CADPS2: variants seen among roughly 807,000 people sequenced by gnomAD.
CADPS2 encodes calcium dependent secretion activator 2.
In CADPS2, 93 loss-of-function variants were observed where a neutral mutation model predicts 172.5. That is an observed-to-expected ratio of 0.54 (90% CI 0.46 to 0.64). The LOEUF is 0.64. Among genes scored for constraint, CADPS2 ranks in the 30% least tolerant of loss-of-function variants. The probability of loss-of-function intolerance (pLI) is 0.00; values close to 1 mark genes in which losing one functional copy is unlikely to be tolerated. For synonymous variants in CADPS2, 546 were observed against 555.2 expected (o/e 0.98, Z 0.23); for missense variants, 1,420 against 1,565.9 (o/e 0.91, Z 1.57).
chr7:122,697,978 G>A, intron 2 of CADPS2: 2 of 1,613,500 alleles, frequency 1.2e-6, no homozygotes, highest in South Asian at 1.1e-5. Flanking sequence ...CAAAGGTTCT[G>A]TTCCATTTTC....
At chr7:122,554,988 G>A (rs2064850175) in intron 7 of CADPS2, among the ~76,000 whole-genome samples, 1 of 152,002 alleles carries the variant, frequency 6.6e-6, no homozygotes, top group African/African-American at 2.4e-5. Flanking sequence ...ATACTCAAGA[G>A]ACACCCATAA....
At chr7:122,399,681 T>C (rs2045668239) in intron 20 of CADPS2, among the ~76,000 whole-genome samples, 4 of 45,550 alleles carry the variant, frequency 8.8e-5, no homozygotes, top group Non-Finnish European at 1.3e-4. Context: ...TTTTTTTTTT[T>C]TTTTTTTTTT....
chr7:122,491,794 T>C, intron 9 of CADPS2, among the ~76,000 whole-genome samples: 1 of 152,202 alleles, frequency 6.6e-6, no homozygotes, highest in Admixed American at 6.5e-5. Flanking sequence ...TATGCTAACG[T>C]AGGCTATAAA....
At chr7:122,855,535 T>C (rs962290135) in intron 1 of CADPS2, among the ~76,000 whole-genome samples, 1 of 152,118 alleles carries the variant, frequency 6.6e-6, no homozygotes, top group Non-Finnish European at 1.5e-5. Context: ...TGGTAGGATG[T>C]CATGGGGAGT....
chr7:122,850,345 G>T lies in CADPS2; in HGVS notation c.339+35654C>A, dbSNP rs185970752. 4.5e-4 allele frequency: 184 copies of T among 412,304 alleles called. No homozygotes were observed. The East Asian group carries it at 7.1e-3, about 16-fold the overall frequency. The allele number at this position is 412,304 out of a possible 1,614,324, so 25.5% of individuals were successfully genotyped here. On this transcript the variant is annotated intron_variant, in intron 1 of 29. Coordinates refer to ENST00000449022, the MANE Select transcript of CADPS2 (RefSeq NM_017954.11). The stretch of plus-strand genomic sequence containing the variant: ...CAGACATGGACTTCTCAGCCCTGCT[G>T]TGTCAGATCACCACCTAGGGGGGTG...
chr7:122,589,559 C>T (rs979048236), intron 6 of CADPS2, among the ~76,000 whole-genome samples: 1 of 151,900 alleles, frequency 6.6e-6, no homozygotes, highest in African/African-American at 2.4e-5. Flanking sequence ...TAATGTACTT[C>T]AGCCAAAGAC....
intron 15 of CADPS2, among the ~76,000 whole-genome samples, chr7:122,450,515 G>GGTGGCCTT (rs2052926741): frequency 4.1e-5 from 6 of 145,174 alleles, no homozygotes; most frequent in Non-Finnish European, 1.5e-5. Flanking sequence ...TCTTAGTATT[G>GGTGGCCTT]GTGGCCTTTT....
intron 3 of CADPS2, among the ~76,000 whole-genome samples, chr7:122,651,599 A>G (rs1050781406): frequency 5.3e-5 from 8 of 152,188 alleles, no homozygotes; most frequent in Non-Finnish European, 1.0e-4. Context: ...ATGTTACTTA[A>G]CATGGGTGGT....
At chr7:122,353,917 A>T (rs1396116831) in intron 27 of CADPS2, among the ~76,000 whole-genome samples, 1 of 152,088 alleles carries the variant, frequency 6.6e-6, no homozygotes, top group Admixed American at 6.6e-5. Flanking sequence ...TCCTTTTTCC[A>T]AACAGGAGCC....
intron 8 of CADPS2, among the ~76,000 whole-genome samples, chr7:122,525,272 C>G (rs1465485712): frequency 2.0e-5 from 3 of 152,122 alleles, no homozygotes; most frequent in Admixed American, 2.0e-4. Context: ...GACATTTTAG[C>G]AGAGCTCTGA....
At chr7:122,644,080 A>AAAGG (rs2078015481) in intron 3 of CADPS2, among the ~76,000 whole-genome samples, 1 of 151,190 alleles carries the variant, frequency 6.6e-6, no homozygotes. Flanking sequence ...GAAAGAAAAG[A>AAAGG]AAGGAAGGAA....
chr7:122,518,652 C>T (rs978801960), intron 8 of CADPS2, among the ~76,000 whole-genome samples: 5 of 151,926 alleles, frequency 3.3e-5, no homozygotes, highest in African/African-American at 9.7e-5. Flanking sequence ...TTGTAACCTG[C>T]TGAGTCATTA....
At chr7:122,557,659 T>A (rs1163982314) in intron 7 of CADPS2, among the ~76,000 whole-genome samples, 2 of 152,172 alleles carry the variant, frequency 1.3e-5, no homozygotes, top group Non-Finnish European at 2.9e-5. Flanking sequence ...AATAGGACTT[T>A]GGGCTGTTTC....
At chr7:122,791,473 T>G (rs1795277848) in intron 1 of CADPS2, among the ~76,000 whole-genome samples, 1 of 152,050 alleles carries the variant, frequency 6.6e-6, no homozygotes, top group Non-Finnish European at 1.5e-5. Flanking sequence ...GATAAGAAAG[T>G]CAAGCATACT....
At chr7:122,683,886 C>G (rs2083341024) in intron 2 of CADPS2, among the ~76,000 whole-genome samples, 1 of 152,092 alleles carries the variant, frequency 6.6e-6, no homozygotes, top group Non-Finnish European at 1.5e-5. Flanking sequence ...TTCACTGTGT[C>G]TACACTGTCC....
At chr7:122,858,960 A>G (rs1816140612) in intron 1 of CADPS2, among the ~76,000 whole-genome samples, 1 of 152,250 alleles carries the variant, frequency 6.6e-6, no homozygotes, top group African/African-American at 2.4e-5. Context: ...TGCAAGAATT[A>G]CATATTGATT....
intron 3 of CADPS2, among the ~76,000 whole-genome samples, chr7:122,661,411 T>C (rs1030301265): frequency 1.3e-5 from 2 of 152,088 alleles, no homozygotes; most frequent in African/African-American, 4.8e-5. Context: ...TTTAAGTTAA[T>C]AACATAAACT....
At chr7:122,520,113 G>A (rs1347784217) in intron 8 of CADPS2, among the ~76,000 whole-genome samples, 2 of 151,940 alleles carry the variant, frequency 1.3e-5, no homozygotes, top group African/African-American at 4.8e-5. Context: ...TAGTCTTTAT[G>A]AAATCCATCA....
At chr7:122,431,262 G>T (rs1428435384) in intron 17 of CADPS2, among the ~76,000 whole-genome samples, 1 of 152,154 alleles carries the variant, frequency 6.6e-6, no homozygotes, top group Non-Finnish European at 1.5e-5. Context: ...CCAAATATGT[G>T]CTGGGCACAT....
Sources: gnomAD v4.1 joint callset for allele counts (sites outside exome capture counted in the v4.1 genomes callset) on GRCh38, gnomAD v4.1.1 for gene constraint, MANE v1.5 for transcripts, NCBI Gene and HGNC (gene_info 2026-07-23, HGNC 2026-07-21) for gene names.